ADORA2B: variants seen among roughly 807,000 people sequenced by gnomAD.
ADORA2B encodes adenosine A2b receptor.
Under a neutral mutation model 20.8 loss-of-function variants are expected in ADORA2B, and 18 were observed. The observed-to-expected ratio is 0.87, with a 90% CI of 0.60 to 1.29. ADORA2B has a LOEUF of 1.29. ADORA2B is among the 50% of genes most tolerant of loss of function. The pLI is 0.00. For synonymous variants in ADORA2B, 179 were observed against 178.3 expected, an observed-to-expected ratio of 1.00 and a Z score of -0.03; for missense variants, 441 against 422.7, an observed-to-expected ratio of 1.04 and a Z score of -0.38.
At chr17:15,953,751 C>T (rs938108462) in intron 1 of ADORA2B, among the ~76,000 whole-genome samples, 3 of 152,186 alleles carry the variant, frequency 2.0e-5, no homozygotes, top group Non-Finnish European at 2.9e-5. Flanking sequence ...TTACTGTGAG[C>T]GCGCTGCCTC....
chr17:15,961,610 A>G (rs979135973), intron 1 of ADORA2B, among the ~76,000 whole-genome samples: 2 of 152,264 alleles, frequency 1.3e-5, no homozygotes, highest in Non-Finnish European at 2.9e-5. Flanking sequence ...ATAACAGAAT[A>G]CCACAGACTG....
At chr17:15,939,471 T>C in the ADORA2B span, among the ~76,000 whole-genome samples, 8 of 152,218 alleles carry the variant, frequency 5.3e-5, no homozygotes, top group African/African-American at 1.7e-4. Flanking sequence ...ATCCTGGTAA[T>C]TGGACTCAAA....
At chr17:15,915,622 G>A in the ADORA2B span, among the ~76,000 whole-genome samples, 1 of 152,218 alleles carries the variant, frequency 6.6e-6, no homozygotes, top group South Asian at 2.1e-4. Context: ...TGGACAGAAA[G>A]GGAATGAGAT....
the ADORA2B span, among the ~76,000 whole-genome samples, chr17:15,872,538 G>C: frequency 6.6e-6 from 1 of 152,104 alleles, no homozygotes; most frequent in African/African-American, 2.4e-5. Context: ...TATGAGCATG[G>C]GATGTGTTTC....
At chr17:15,964,632 A>G (rs1372743915) in intron 1 of ADORA2B, among the ~76,000 whole-genome samples, 3 of 150,664 alleles carry the variant, frequency 2.0e-5, no homozygotes, top group African/African-American at 7.4e-5. Context: ...AAAAAAAAAA[A>G]GAAAAGATGA....
chr17:15,907,252 A>G, the ADORA2B span, among the ~76,000 whole-genome samples: 1 of 151,876 alleles, frequency 6.6e-6, no homozygotes, highest in Non-Finnish European at 1.5e-5. Context: ...ACCTGCGTGG[A>G]ATGTTTCACT....
chr17:15,957,719 C>T (rs1033306117), intron 1 of ADORA2B, among the ~76,000 whole-genome samples: 5 of 152,038 alleles, frequency 3.3e-5, no homozygotes, highest in African/African-American at 1.2e-4. Flanking sequence ...TTTATGGGAG[C>T]CCTGGACCGT....
the ADORA2B span, among the ~76,000 whole-genome samples, chr17:15,868,461 T>C: frequency 2.5e-4 from 35 of 139,874 alleles, 5 homozygotes; most frequent in African/African-American, 8.8e-4. Context: ...TAGTGCTTTT[T>C]GTATTCTGTA....
the ADORA2B span, among the ~76,000 whole-genome samples, chr17:15,871,981 A>G: frequency 6.6e-6 from 1 of 152,200 alleles, no homozygotes; most frequent in African/African-American, 2.4e-5. Flanking sequence ...TGCAGTATGA[A>G]TGTTCGCTGA....
the ADORA2B span, among the ~76,000 whole-genome samples, chr17:15,867,433 C>T: frequency 7.9e-5 from 12 of 150,982 alleles, no homozygotes; most frequent in East Asian, 5.8e-4. Context: ...TCTGCCCGGC[C>T]GCCCCATCTG....
chr17:15,907,001 C>G, the ADORA2B span, among the ~76,000 whole-genome samples: 7 of 152,160 alleles, frequency 4.6e-5, no homozygotes, highest in East Asian at 1.2e-3. Flanking sequence ...GGAAAGCTTG[C>G]CATCTCTCTT....
At chr17:15,852,319 C>A in the ADORA2B span, among the ~76,000 whole-genome samples, 1 of 151,982 alleles carries the variant, frequency 6.6e-6, no homozygotes, top group Non-Finnish European at 1.5e-5. Flanking sequence ...TTAAAGAAGT[C>A]TTTTATTTGT....
the ADORA2B span, among the ~76,000 whole-genome samples, chr17:15,859,135 A>T: frequency 6.6e-6 from 1 of 152,180 alleles, no homozygotes; most frequent in Non-Finnish European, 1.5e-5. Context: ...CATTCTTTTA[A>T]TTGCCAAGAT....
chr17:15,955,629 A>G (rs945508455), intron 1 of ADORA2B, among the ~76,000 whole-genome samples: 3 of 151,404 alleles, frequency 2.0e-5, no homozygotes, highest in African/African-American at 7.3e-5. Context: ...GCTGGTCTTG[A>G]ACTCCTGACC....
chr17:15,882,685 A>G, the ADORA2B span, among the ~76,000 whole-genome samples: 2 of 152,166 alleles, frequency 1.3e-5, no homozygotes, highest in East Asian at 1.9e-4. Context: ...ACTTTTTTCC[A>G]TATAAATAGA....
At chr17:15,945,639 C>T (rs994207986) in intron 1 of ADORA2B, 56 bp downstream of exon 1, 11 of 1,404,354 alleles carry the variant, frequency 7.8e-6, no homozygotes, top group African/African-American at 5.8e-5. Flanking sequence ...CGAAATGGGT[C>T]GTCTTCTCCA....
chr17:15,914,069 G>A, the ADORA2B span, among the ~76,000 whole-genome samples: 8 of 152,272 alleles, frequency 5.3e-5, no homozygotes, highest in South Asian at 1.2e-3. Context: ...GGGCTGCCCC[G>A]AATCATGGGG....
the ADORA2B span, among the ~76,000 whole-genome samples, chr17:15,922,711 T>C: frequency 6.6e-6 from 1 of 152,234 alleles, no homozygotes; most frequent in Non-Finnish European, 1.5e-5. Context: ...GTTTCAAACA[T>C]ATACTTGCTG....
rs78843243 is a variant in ADORA2B, at chr17:15,965,575, A to G, written c.336-9104A>G. ...GTGGCCAGGGGAAGGATGTTGGTAT[A>G]ATGGAGACACTGCTTTGGTTCACCT... On this transcript the variant is annotated intron_variant, in intron 1 of 1. Coordinates refer to ENST00000304222, the MANE Select transcript of ADORA2B (RefSeq NM_000676.4). 7.3e-3 allele frequency among the ~76,000 whole-genome samples: 1,108 copies of G among 152,338 alleles called. 23 individuals are homozygous for G. The highest frequency in any genetic ancestry group is 0.025 in the African/African-American group (1,039 of 41,580).
Sources: gnomAD v4.1 joint callset for allele counts (sites outside exome capture counted in the v4.1 genomes callset) on GRCh38, gnomAD v4.1.1 for gene constraint, MANE v1.5 for transcripts, NCBI Gene and HGNC (gene_info 2026-07-23, HGNC 2026-07-21) for gene names.